ZNF517: variants seen among roughly 807,000 people sequenced by gnomAD.
ZNF517 encodes zinc finger protein 517.
ZNF517 carries 12 observed loss-of-function variants against 12.1 expected under a neutral mutation model. The ratio of observed to expected loss-of-function variants is 0.99; its 90% CI spans 0.63 to 1.61. ZNF517 has a LOEUF of 1.61. ZNF517 is among the 40% of genes most tolerant of loss of function. The pLI, the probability that ZNF517 is intolerant of heterozygous loss-of-function variation, is 0.00. For missense variants in ZNF517, 781 were observed against 693.2 expected, an observed-to-expected ratio of 1.13 and a Z score of -1.42; for synonymous variants, 388 against 310.2, an observed-to-expected ratio of 1.25 and a Z score of -2.63.
At chr8:144,813,279 G>A (rs1276336630), downstream of ZNF517, among the ~76,000 whole-genome samples, 1 of 139,816 alleles carries the variant, frequency 7.2e-6, no homozygotes, top group African/African-American at 2.7e-5. Flanking sequence ...TGGCACCATC[G>A]CACTCCAGCC....
Position 144,807,118 on chromosome 8 carries a change from T to C in ZNF517, c.275-73T>C, listed in dbSNP as rs1298020722. On this transcript the variant is annotated intron_variant, in intron 4 of 4. Coordinates refer to ENST00000359971, the MANE Select transcript of ZNF517 (RefSeq NM_213605.3). ...GGAAGACTTGGGAATAAAAAGGTTA[T>C]GTCTTCAAACAAGAAGTTCGTTTGT... The C allele has an allele frequency of 3.3e-6, 5 of 1,493,888 alleles. No homozygotes were observed. The Admixed American group carries it at 1.2e-4, about 37-fold the overall frequency. 92.5% of individuals were successfully genotyped at this position (1,493,888 alleles called of 1,614,324 possible).
At chr8:144,806,260 A>G (rs1563809082) in intron 4 of ZNF517, among the ~76,000 whole-genome samples, 1 of 152,144 alleles carries the variant, frequency 6.6e-6, no homozygotes, top group Non-Finnish European at 1.5e-5. Context: ...CTGCCCAGAC[A>G]TGTTTGCTGA....
Position 144,810,046 on chromosome 8 carries a change from C to G in ZNF517, c.*1651C>G. On this transcript the variant is annotated 3_prime_UTR_variant, in exon 5 of 5. Transcript: ENST00000359971. ...CCAGCCTGGGTGACAGGGCAAGACT[C>G]TGTCTCAAACAAATAAAAATCCCCT... is the stretch of plus-strand genomic sequence containing the variant. 2 of 504,536 alleles carry G rather than the reference C, an allele frequency of 4.0e-6. No individual in the cohort carries two copies. Among genetic ancestry groups the G allele is most frequent in the Admixed American group, 3.1e-5 (1 of 31,904 alleles). 31.3% of individuals were successfully genotyped at this position (504,536 alleles called of 1,614,324 possible).
Position 144,809,918 on chromosome 8 carries a change from T to C in ZNF517, c.*1523T>C, listed in dbSNP as rs943413432. On this transcript the variant is annotated 3_prime_UTR_variant, in exon 5 of 5. Coordinates refer to ENST00000359971, the MANE Select transcript of ZNF517 (RefSeq NM_213605.3). Reference sequence around the variant, plus strand: ...AAGTACAAAAAGTAGCTGGGTGTGGTGCTGGGTGCCTGTAATCCCAGCTAC... The same window carrying C: ...AAGTACAAAAAGTAGCTGGGTGTGGCGCTGGGTGCCTGTAATCCCAGCTAC... The C allele has an allele frequency of 5.0e-6, 2 of 400,226 alleles. No homozygotes were observed. The highest frequency in any genetic ancestry group is 8.0e-5 in the Admixed American group (2 of 25,104). The allele number at this position is 400,226 out of a possible 1,614,324, so 24.8% of individuals were successfully genotyped here.
chr8:144,803,427 C>G, intron 2 of ZNF517: 1 of 589,892 alleles, frequency 1.7e-6, no homozygotes, highest in Non-Finnish European at 2.9e-6. Context: ...CTCCCTCCCC[C>G]AAGTTCAGTT....
rs750843618 is a variant in ZNF517 at position 144,807,532 on chromosome 8, C to CA, written c.617dup (p.Cys207ValfsTer23). 2 of 1,596,404 alleles carry CA rather than the reference C, an allele frequency of 1.3e-6. No homozygotes were observed. Among genetic ancestry groups the CA allele is most frequent in the South Asian group, 2.3e-5 (2 of 88,802 alleles). The stretch of plus-strand genomic sequence containing the variant: ...CATCCACACCGGCGCCAAGCCCTTC[C>CA]AGTGCACAGAGTGCGGGAAGGCCTT... On this transcript the variant is annotated frameshift_variant, in exon 5 of 5. Transcript: ENST00000359971. LOFTEE classifies it low-confidence loss of function (END_TRUNC).
At chr8:144,812,764 C>T (rs541525938), downstream of ZNF517, among the ~76,000 whole-genome samples, 102 of 152,316 alleles carry the variant, frequency 6.7e-4, no homozygotes, top group African/African-American at 2.3e-3. Context: ...AAGAGAAAGA[C>T]GTAAAGAGCA....
Position 144,808,245 on chromosome 8 carries a change from C to T in ZNF517, c.1329C>T (p.Tyr443=). The T allele has an allele frequency of 1.3e-6, 2 of 1,599,542 alleles. No homozygotes were observed. The highest frequency in any genetic ancestry group is 1.1e-5 in the South Asian group (1 of 89,278). Reference sequence around the variant, plus strand: ...GGAGCTACACGCTGAACGAGCACTACCGGCTCCACAGCGGCGAGAGGCCAT... The same window carrying T: ...GGAGCTACACGCTGAACGAGCACTATCGGCTCCACAGCGGCGAGAGGCCAT... ...FRRSYTLNEH[Y]RLHSGERPYR... The change falls in exon 5 of 5, where the codon TAC becomes TAT. Residue 443 remains tyrosine, a synonymous_variant. Transcript: ENST00000359971.
rs1034886367 is a variant in ZNF517 at position 144,802,805 on chromosome 8, C to A, written c.-45-65C>A. ...CTGCTCCCTTCTGGATCTGGAGGGGCCTTCTGGGGGGCTGGAGGGCCTTAG... is the reference window on the plus strand; with the variant it reads ...CTGCTCCCTTCTGGATCTGGAGGGGACTTCTGGGGGGCTGGAGGGCCTTAG... On this transcript the variant is annotated intron_variant, in intron 1 of 4. Transcript: ENST00000359971. 54 of 1,594,846 alleles carry A rather than the reference C, an allele frequency of 3.4e-5. No homozygotes were observed. The African/African-American group carries it at 6.3e-4, about 19-fold the overall frequency.
chr8:144,798,967 C>G (rs1026224603), intron 1 of ZNF517, 30 bp downstream of exon 1: 4 of 152,238 alleles, frequency 2.6e-5, no homozygotes, highest in South Asian at 2.1e-4. Flanking sequence ...GGGGCGGGGA[C>G]TGGGAGGGGC....
intron 1 of ZNF517, chr8:144,800,564 G>A (rs1826906925): frequency 2.0e-6 from 2 of 985,234 alleles, no homozygotes; most frequent in Non-Finnish European, 2.4e-6. Flanking sequence ...TGGTTGCCTT[G>A]TTGGGGTGAG....
Position 144,808,082 on chromosome 8 carries a change from T to G in ZNF517, c.1166T>G (p.Leu389Arg), listed in dbSNP as rs1301643830. The G allele has an allele frequency of 6.2e-7, 1 of 1,611,120 alleles. No homozygotes were observed. The highest frequency in any genetic ancestry group is 1.1e-5 in the South Asian group (1 of 90,828). Residue 389 changes from leucine to arginine, a missense_variant, in exon 5 of 5, where the codon CTA becomes CGA. Physicochemically the swap from Leu to Arg is moderately radical, Grantham distance 102 (BLOSUM62 -2). Coordinates refer to ENST00000359971, the MANE Select transcript of ZNF517 (RefSeq NM_213605.3). The part of the protein sequence containing the change: ...HNSLLLLHLR[L>R]HTGEKPFECA... ...TCCCTGCTGCTGCTGCACCTGCGCC[T>G]ACACACGGGCGAGAAGCCGTTCGAG...
At chr8:144,805,867 C>T (rs968033014) in intron 4 of ZNF517, among the ~76,000 whole-genome samples, 6 of 152,052 alleles carry the variant, frequency 3.9e-5, no homozygotes, top group African/African-American at 1.4e-4. Context: ...TGATCCGCCG[C>T]CTCGGCCTCC....
intron 1 of ZNF517, 70 bp downstream of exon 1, chr8:144,799,007 C>A (rs553553564): frequency 1.6e-4 from 25 of 152,200 alleles, no homozygotes; most frequent in African/African-American, 5.1e-4. Context: ...CTGGTGGAGG[C>A]TGTAGCCCCC....
chr8:144,808,017 C>T lies in ZNF517; in HGVS notation c.1101C>T (p.Pro367=), dbSNP rs1378087792. The change falls in exon 5 of 5, where the codon CCC becomes CCT. Residue 367 remains proline, a synonymous_variant. Coordinates refer to ENST00000359971, the MANE Select transcript of ZNF517 (RefSeq NM_213605.3). ...AGAGGCCCCAGGCGGGGGACCCGCC[C>T]CACGAGTGCCCGGTGTGCGGGAGGC... ...AAQRPQAGDP[P]HECPVCGRPF... 6.3e-7 allele frequency: 1 copy of T among 1,584,848 alleles called. No homozygotes were observed. The highest frequency in any genetic ancestry group is 1.3e-5 in the African/African-American group (1 of 74,506).
At chr8:144,805,221 C>A (rs1287632417) in intron 4 of ZNF517, among the ~76,000 whole-genome samples, 1 of 152,250 alleles carries the variant, frequency 6.6e-6, no homozygotes, top group African/African-American at 2.4e-5. Flanking sequence ...CCTGTCCGGG[C>A]GTGACAGAGG....
rs1295491522 is a variant in ZNF517 at position 144,808,405 on chromosome 8, C to T, written c.*10C>T. 12 of 1,449,900 alleles carry T rather than the reference C, an allele frequency of 8.3e-6. No homozygotes were observed. Among genetic ancestry groups the T allele is most frequent in the East Asian group, 2.6e-5 (1 of 39,214 alleles). 89.8% of individuals were successfully genotyped at this position (1,449,900 alleles called of 1,614,324 possible). A position where few individuals can be genotyped will look rare whatever the true frequency, so the allele number is the denominator to read the frequency against. ...CTGTTGGGCTTCCTGATGACGGGGA[C>T]GACAGGCCGAGGATTCACGCTGGAA... is the stretch of plus-strand genomic sequence containing the variant. On this transcript the variant is annotated 3_prime_UTR_variant, in exon 5 of 5. Coordinates refer to ENST00000359971, the MANE Select transcript of ZNF517 (RefSeq NM_213605.3).
intron 1 of ZNF517, among the ~76,000 whole-genome samples, chr8:144,799,774 A>C (rs1393862724): frequency 6.6e-6 from 1 of 152,122 alleles, no homozygotes; most frequent in Admixed American, 6.5e-5. Context: ...CCCTGTCTCT[A>C]CTAAAAATAC....
In ZNF517 at chr8:144,808,246, C is replaced by A; in HGVS notation, c.1330C>A (p.Arg444=). 1.3e-6 allele frequency: 2 copies of A among 1,598,736 alleles called. No individual in the cohort carries two copies. The highest frequency in any genetic ancestry group is 3.3e-4 in the Middle Eastern group (2 of 6,016). Residue 444 remains arginine, a synonymous_variant, in exon 5 of 5, where the codon CGG becomes AGG. Coordinates refer to ENST00000359971, the MANE Select transcript of ZNF517 (RefSeq NM_213605.3). ...RRSYTLNEHY[R]LHSGERPYRC... is the part of the protein sequence containing the mutation. Reference sequence around the variant, plus strand: ...GAGCTACACGCTGAACGAGCACTACCGGCTCCACAGCGGCGAGAGGCCATA... The same window carrying A: ...GAGCTACACGCTGAACGAGCACTACAGGCTCCACAGCGGCGAGAGGCCATA...
Sources: gnomAD v4.1 joint callset for allele counts (sites outside exome capture counted in the v4.1 genomes callset) on GRCh38, gnomAD v4.1.1 for gene constraint, MANE v1.5 for transcripts, NCBI Gene and HGNC (gene_info 2026-07-23, HGNC 2026-07-21) for gene names.